The following TRIM6 variants were observed in gnomAD, a reference collection of about 807,000 sequenced individuals.
TRIM6 encodes tripartite motif containing 6, also known as tripartite motif-containing protein 6.
Under a neutral mutation model 51.2 loss-of-function variants are expected in TRIM6, and 43 were observed. That is an observed-to-expected ratio of 0.84 (90% CI 0.66 to 1.08). TRIM6 has a LOEUF of 1.08. Ranked by LOEUF, TRIM6 falls within the 50% of genes least tolerant of loss-of-function variation. The pLI, the probability that TRIM6 is intolerant of heterozygous loss-of-function variation, is 0.00. For missense variants in TRIM6, 669 were observed against 619.0 expected (o/e 1.08, Z -0.86); for synonymous variants, 215 against 232.4 (o/e 0.93, Z 0.68).
At position 5,603,664 on chromosome 11, in the gene TRIM6, C is replaced by T. The variant is rs1000662155; in HGVS notation, c.436C>T (p.Leu146Phe). 5 of 1,613,220 alleles carry T rather than the reference C, an allele frequency of 3.1e-6. No individual in the cohort carries two copies. The highest frequency in any genetic ancestry group is 3.4e-6 in the Non-Finnish European group (4 of 1,179,954). The change falls in exon 2 of 8, where the codon CTT (leucine) becomes TTT (phenylalanine). Residue 146 changes from leucine to phenylalanine, a missense_variant. Leu to Phe is a conservative substitution (Grantham distance 22). Coordinates refer to ENST00000380097, the MANE Select transcript of TRIM6 (RefSeq NM_001003818.3). ...GGAGGATGGGAAGGTCATTTGCTGG[C>T]TTTGTGAGCGGTCTCAGGAGCACCG... ...CQEDGKVICW[L>F]CERSQEHRGH...
rs767503722 is a variant in TRIM6 at position 5,611,063 on chromosome 11, G to A, written c.1272G>A (p.Gln424=). The change falls in exon 8 of 8, where the codon CAG becomes CAA. Residue 424 remains glutamine (Q), a synonymous_variant. Transcript: ENST00000380097. The part of the protein sequence containing the change: ...AQNHSAYSRY[Q]PQSGYWVIGL... ...ATCACAGTGCTTACTCCAGGTATCA[G>A]CCTCAGAGTGGATACTGGGTGATTG... The A allele has an allele frequency of 3.7e-6, 6 of 1,614,172 alleles. No homozygotes were observed. The highest frequency in any genetic ancestry group is 1.1e-5 in the South Asian group (1 of 91,084).
At chr11:5,604,698 A>G in intron 3 of TRIM6, 69 bp downstream of exon 3, 1 of 1,522,300 alleles carries the variant, frequency 6.6e-7, no homozygotes, top group Non-Finnish European at 8.9e-7. Flanking sequence ...CTGAGGGCAA[A>G]GGAGTCCTTG....
Position 5,610,982 on chromosome 11 carries a change from G to A in TRIM6, c.1191G>A (p.Leu397=), listed in dbSNP as rs10769124. The A allele has an allele frequency of 0.73, 1,175,966 of 1,613,820 alleles. 433,720 individuals carry two copies. Among genetic ancestry groups the A allele is most frequent in the East Asian group, 1 (44,764 of 44,878 alleles). ...TGGCCAAGAAGACTGCCTGGATCCT[G>A]GGGGTATGCAGCAATTCACTGGGAC... ...VDVAKKTAWI[L]GVCSNSLGPT... Residue 397 remains leucine (L), a synonymous_variant, in exon 8 of 8, where the codon CTG becomes CTA. Coordinates refer to ENST00000380097, the MANE Select transcript of TRIM6 (RefSeq NM_001003818.3).
intron 1 of TRIM6, among the ~76,000 whole-genome samples, chr11:5,600,768 C>T (rs1263344006): frequency 1.3e-5 from 2 of 152,050 alleles, no homozygotes; most frequent in South Asian, 4.2e-4. Flanking sequence ...TCTGCCTGCT[C>T]CCTACGCACT....
At chr11:5,607,056 T>A (rs2133850905) in intron 4 of TRIM6, among the ~76,000 whole-genome samples, 1 of 151,926 alleles carries the variant, frequency 6.6e-6, no homozygotes, top group East Asian at 1.9e-4. Context: ...ACAAAAAAAT[T>A]AGCCGGGCGT....
At chr11:5,596,494 C>T (rs1286070148), upstream of TRIM6, among the ~76,000 whole-genome samples, 2 of 125,212 alleles carry the variant, frequency 1.6e-5, no homozygotes, top group African/African-American at 3.0e-5. Flanking sequence ...AGTCAGCATC[C>T]CTTCCCCCCT....
intron 1 of TRIM6, among the ~76,000 whole-genome samples, chr11:5,597,668 ACT>A (rs1053080613): frequency 2.0e-4 from 31 of 151,940 alleles, no homozygotes; most frequent in African/African-American, 7.5e-4. Flanking sequence ...GTCATTCCTA[ACT>A]CTGAACCCCC....
intron 4 of TRIM6, among the ~76,000 whole-genome samples, chr11:5,607,573 A>G (rs1848299726): frequency 6.6e-6 from 1 of 152,258 alleles, no homozygotes; most frequent in African/African-American, 2.4e-5. Flanking sequence ...CCAATTCCAC[A>G]GAAATGAGAC....
rs768389197 is a variant in TRIM6 at position 5,603,621 on chromosome 11, A to T, written c.393A>T (p.Lys131Asn). The T allele has an allele frequency of 1.9e-6, 3 of 1,613,370 alleles. No homozygotes were observed. In the African/African-American group the frequency reaches 4.0e-5, roughly 22 times the overall value. The change falls in exon 2 of 8, where the codon AAA becomes AAT. Residue 131 changes from lysine (K) to asparagine (N), a missense_variant. Coordinates refer to ENST00000380097, the MANE Select transcript of TRIM6 (RefSeq NM_001003818.3). Reference protein sequence around the residue: ...KAVLCADHGEKLQLFCQEDGK... With the variant: ...KAVLCADHGENLQLFCQEDGK... ...TTCTTTGTGCAGACCATGGAGAAAA[A>T]CTGCAGCTCTTCTGTCAGGAGGATG...
At chr11:5,605,188 A>G in intron 3 of TRIM6, 149 bp from the exon 4 acceptor site, 2 of 1,053,468 alleles carry the variant, frequency 1.9e-6, no homozygotes, top group Non-Finnish European at 2.9e-6. Context: ...AGAACAGGCT[A>G]CAAAGGCTTT....
rs920506005 is a variant in TRIM6, at chr11:5,610,185, A to G, written c.898A>G (p.Thr300Ala). 2.5e-6 allele frequency: 4 copies of G among 1,614,182 alleles called. No individual in the cohort carries two copies. The East Asian group carries it at 6.7e-5, about 27-fold the overall frequency. ...CCTGAGGAAGCCAGAAGCTCTCCCT[A>G]CAAAGCTGAGAAGTATGTTCCGAGC... ...WTLRKPEALP[T>A]KLRSMFRAPD... is the part of the protein sequence containing the mutation. The change falls in exon 6 of 8, where the codon ACA (threonine) becomes GCA (alanine). Residue 300 changes from threonine to alanine, a missense_variant. By Grantham distance (58) the Thr-to-Ala change is moderately conservative. Transcript: ENST00000380097.
At chr11:5,597,555 TC>T (rs1344040170) in intron 1 of TRIM6, among the ~76,000 whole-genome samples, 3 of 152,132 alleles carry the variant, frequency 2.0e-5, no homozygotes, top group African/African-American at 7.2e-5. Flanking sequence ...AAAATGTTAT[TC>T]CTAAAGTGCA....
chr11:5,610,150 A>G lies in TRIM6; in HGVS notation c.863A>G (p.Glu288Gly), dbSNP rs1211270056. ...AGAAGTCCTGTCCTTTCTAGGAGTG[A>G]GTTCTGGACCCTGAGGAAGCCAGAA... ...QDVSDVTERS[E>G]FWTLRKPEAL... Residue 288 changes from glutamate (E) to glycine (G), a missense_variant, in exon 6 of 8, where the codon GAG (glutamate) becomes GGG (glycine). Glu to Gly is a moderately conservative substitution (Grantham distance 98). Transcript: ENST00000380097. 6.2e-7 allele frequency: 1 copy of G among 1,613,920 alleles called. No individual in the cohort carries two copies. The highest frequency in any genetic ancestry group is 1.3e-5 in the African/African-American group (1 of 74,916).
Position 5,603,792 on chromosome 11 carries a change from C to T in TRIM6, c.507+57C>T, listed in dbSNP as rs530801507. 2.4e-5 allele frequency: 38 copies of T among 1,585,948 alleles called. No homozygotes were observed. In the East Asian group the frequency reaches 3.4e-4, roughly 14 times the overall value. On this transcript the variant is annotated intron_variant, in intron 2 of 7. Transcript: ENST00000380097. The stretch of plus-strand genomic sequence containing the variant: ...AAACAGGGTCTTTGGCAGGTTTTAA[C>T]GTTTTATCATGCTCTGATCTAATCT...
intron 5 of TRIM6, among the ~76,000 whole-genome samples, chr11:5,608,866 T>TTTTTTC (rs1169121371): frequency 2.0e-5 from 3 of 148,378 alleles, no homozygotes; most frequent in African/African-American, 7.5e-5. Context: ...TTTTTTTTTT[T>TTTTTTC]TTGAGACAGA....
At chr11:5,604,841 A>C (rs1848110877) in intron 3 of TRIM6, 2 of 520,836 alleles carry the variant, frequency 3.8e-6, no homozygotes, top group Non-Finnish European at 6.6e-6. Flanking sequence ...AGACAATCAC[A>C]TAGCAGAGGA....
intron 3 of TRIM6, 28 bp downstream of exon 3, chr11:5,604,657 C>T (rs1848095616): frequency 6.2e-7 from 1 of 1,603,354 alleles, no homozygotes; most frequent in Admixed American, 1.7e-5. Context: ...TGAAGATGTC[C>T]TGGGGCAGGA....
chr11:5,604,806 CAAATATATCA>C, intron 3 of TRIM6, 177 bp downstream of exon 3: 1 of 591,876 alleles, frequency 1.7e-6, no homozygotes, highest in South Asian at 2.9e-5. Context: ...AGGTAAATAG[CAAATATATCA>C]AAACTGAACC....
At chr11:5,609,661 A>G (rs988945850) in intron 5 of TRIM6, among the ~76,000 whole-genome samples, 3 of 152,186 alleles carry the variant, frequency 2.0e-5, no homozygotes, top group Admixed American at 6.5e-5. Context: ...AGTGACTCAC[A>G]CCTGTAATCC....
Sources: allele counts gnomAD v4.1 joint callset (sites outside exome capture counted in the v4.1 genomes callset), GRCh38; gene constraint gnomAD v4.1.1; transcripts MANE v1.5; gene names NCBI Gene and HGNC (gene_info 2026-07-23, HGNC 2026-07-21).